Variants in LSAMP observed in about 807,000 individuals in gnomAD.
LSAMP encodes limbic system-associated membrane protein.
A neutral mutation model predicts 38.6 loss-of-function variants in LSAMP; 7 were observed. The ratio of observed to expected loss-of-function variants is 0.18; its 90% CI spans 0.10 to 0.34. The LOEUF is 0.34. Among genes scored for constraint, LSAMP ranks in the 10% least tolerant of loss-of-function variants. The pLI is 1.00. For synonymous variants in LSAMP, 154 were observed against 166.8 expected, an observed-to-expected ratio of 0.92 and a Z score of 0.59; for missense variants, 313 against 420.0, an observed-to-expected ratio of 0.75 and a Z score of 2.23.
At chr3:116,200,592 A>G (rs1452001649) in intron 1 of LSAMP, among the ~76,000 whole-genome samples, 2 of 152,158 alleles carry the variant, frequency 1.3e-5, no homozygotes, top group South Asian at 2.1e-4. Context: ...AGGGGCTTCA[A>G]ATATTCTTTG....
At chr3:116,186,301 G>A (rs148428525) in intron 1 of LSAMP, among the ~76,000 whole-genome samples, 2 of 152,156 alleles carry the variant, frequency 1.3e-5, no homozygotes, top group African/African-American at 2.4e-5. Flanking sequence ...ATCTTGTCCC[G>A]ACCAATGCCA....
chr3:115,893,702 G>A (rs1936659441), intron 3 of LSAMP, among the ~76,000 whole-genome samples: 1 of 151,482 alleles, frequency 6.6e-6, no homozygotes, highest in South Asian at 2.1e-4. Context: ...AGGAATAAAA[G>A]TATTAGATGT....
chr3:116,194,472 G>T (rs1037238323), intron 1 of LSAMP, among the ~76,000 whole-genome samples: 1 of 152,096 alleles, frequency 6.6e-6, no homozygotes, highest in Non-Finnish European at 1.5e-5. Context: ...TCAGCTCACC[G>T]CAAGCTCCGC....
chr3:116,258,499 T>C (rs1411205544), intron 1 of LSAMP, among the ~76,000 whole-genome samples: 1 of 152,038 alleles, frequency 6.6e-6, no homozygotes, highest in Non-Finnish European at 1.5e-5. Flanking sequence ...GATGAATTTT[T>C]CTAAGCTTTT....
At chr3:116,434,518 A>G (rs1185301518) in intron 1 of LSAMP, among the ~76,000 whole-genome samples, 1 of 152,166 alleles carries the variant, frequency 6.6e-6, no homozygotes, top group Admixed American at 6.5e-5. Flanking sequence ...TTAAGTCTTG[A>G]AGGAGGAGCA....
At chr3:115,935,626 T>G (rs4254653) in intron 3 of LSAMP, among the ~76,000 whole-genome samples, 1 of 151,996 alleles carries the variant, frequency 6.6e-6, no homozygotes, top group African/African-American at 2.4e-5. Context: ...ACTGCCTTAT[T>G]TCTTTCTGGG....
intron 3 of LSAMP, among the ~76,000 whole-genome samples, chr3:115,959,582 A>C (rs957543324): frequency 3.9e-5 from 6 of 152,194 alleles, no homozygotes; most frequent in African/African-American, 1.4e-4. Context: ...TATAAGAATA[A>C]TCTTACTTTG....
At chr3:116,192,846 GATCAGGGAGCT>G (rs1710786395) in intron 1 of LSAMP, among the ~76,000 whole-genome samples, 1 of 152,160 alleles carries the variant, frequency 6.6e-6, no homozygotes, top group Admixed American at 6.5e-5. Flanking sequence ...CCTGGCTAAT[GATCAGGGAGCT>G]ATTCATGACA....
intron 6 of LSAMP, among the ~76,000 whole-genome samples, chr3:115,829,247 A>G (rs1455445930): frequency 1.3e-5 from 2 of 152,182 alleles, no homozygotes; most frequent in Non-Finnish European, 2.9e-5. Context: ...TCCCTATTAC[A>G]CTGTGTCAAA....
At chr3:116,354,341 T>G (rs566539272) in intron 1 of LSAMP, among the ~76,000 whole-genome samples, 2 of 152,300 alleles carry the variant, frequency 1.3e-5, no homozygotes, top group East Asian at 3.9e-4. Context: ...TCATGTGTAC[T>G]GCTATTTATA....
chr3:116,194,821 G>C (rs1009963925), intron 1 of LSAMP, among the ~76,000 whole-genome samples: 4 of 152,208 alleles, frequency 2.6e-5, no homozygotes, highest in Non-Finnish European at 4.4e-5. Flanking sequence ...GATGATCAGA[G>C]ACAATCATAG....
chr3:116,258,978 C>T (rs2046791182), intron 1 of LSAMP, among the ~76,000 whole-genome samples: 1 of 152,136 alleles, frequency 6.6e-6, no homozygotes, highest in Non-Finnish European at 1.5e-5. Flanking sequence ...TAAATGTACA[C>T]ATTCTGTCCT....
At chr3:115,938,244 C>T (rs1937778267) in intron 3 of LSAMP, among the ~76,000 whole-genome samples, 1 of 152,092 alleles carries the variant, frequency 6.6e-6, no homozygotes, top group South Asian at 2.1e-4. Context: ...ACTGAGCAGA[C>T]CCATACTTGC....
chr3:116,320,399 C>G (rs954232776), intron 1 of LSAMP, among the ~76,000 whole-genome samples: 15 of 151,906 alleles, frequency 9.9e-5, no homozygotes, highest in African/African-American at 3.4e-4. Flanking sequence ...GGTGACAGAG[C>G]GAGGCTCTGT....
intron 1 of LSAMP, among the ~76,000 whole-genome samples, chr3:116,358,620 C>T (rs543195823): frequency 4.2e-4 from 64 of 151,944 alleles, no homozygotes; most frequent in Non-Finnish European, 7.6e-4. Context: ...TAAAATCCAC[C>T]GATCGAAATG....
intron 1 of LSAMP, among the ~76,000 whole-genome samples, chr3:116,224,120 A>T (rs1011100244): frequency 1.3e-5 from 2 of 152,114 alleles, no homozygotes; most frequent in African/African-American, 4.8e-5. Flanking sequence ...CTGCTTAATG[A>T]CTCAACTAGG....
At chr3:116,402,102 A>G (rs917437378) in intron 1 of LSAMP, among the ~76,000 whole-genome samples, 2 of 152,240 alleles carry the variant, frequency 1.3e-5, no homozygotes, top group East Asian at 3.8e-4. Flanking sequence ...ATTGTGAAAA[A>G]CATTTGGTGA....
intron 6 of LSAMP, among the ~76,000 whole-genome samples, chr3:115,813,392 G>A (rs1027601773): frequency 6.6e-6 from 1 of 152,112 alleles, no homozygotes; most frequent in African/African-American, 2.4e-5. Flanking sequence ...TACTAGGTGT[G>A]TAATAAGCTA....
chr3:116,292,627 G>A (rs1350428048), intron 1 of LSAMP, among the ~76,000 whole-genome samples: 1 of 152,122 alleles, frequency 6.6e-6, no homozygotes, highest in Non-Finnish European at 1.5e-5. Context: ...GTACGATTTT[G>A]TTTATAGATC....
Sources: gnomAD v4.1 joint callset for allele counts (sites outside exome capture counted in the v4.1 genomes callset) on GRCh38, gnomAD v4.1.1 for gene constraint, MANE v1.5 for transcripts, NCBI Gene and HGNC (gene_info 2026-07-23, HGNC 2026-07-21) for gene names.